BICD1: variants seen among roughly 807,000 people sequenced by gnomAD.
BICD1 encodes protein bicaudal D homolog 1.
A neutral mutation model predicts 92.5 loss-of-function variants in BICD1; 35 were observed. The ratio of observed to expected loss-of-function variants is 0.38; its 90% CI spans 0.29 to 0.50. BICD1 has a LOEUF of 0.50. BICD1 is among the 20% of genes least tolerant of loss of function. The probability of loss-of-function intolerance (pLI) is 0.93; values close to 1 mark genes in which losing one functional copy is unlikely to be tolerated. For synonymous variants in BICD1, 429 were observed against 465.1 expected, an observed-to-expected ratio of 0.92 and a Z score of 1.00; for missense variants, 950 against 1,189.8, an observed-to-expected ratio of 0.80 and a Z score of 2.97.
At chr12:32,297,357 C>T (rs2136200912) in intron 3 of BICD1, among the ~76,000 whole-genome samples, 1 of 152,192 alleles carries the variant, frequency 6.6e-6, no homozygotes, top group East Asian at 1.9e-4. Flanking sequence ...CCACCATGTC[C>T]AGCTAATTTT....
chr12:32,291,450 T>A (rs1947724449), intron 2 of BICD1, among the ~76,000 whole-genome samples: 1 of 151,892 alleles, frequency 6.6e-6, no homozygotes, highest in Non-Finnish European at 1.5e-5. Flanking sequence ...GGTGGGAGGA[T>A]CACTTAAGCC....
At chr12:32,184,752 GCTTTCTTGATCTT>G (rs1242321982) in intron 1 of BICD1, among the ~76,000 whole-genome samples, 2 of 152,164 alleles carry the variant, frequency 1.3e-5, no homozygotes, top group Non-Finnish European at 2.9e-5. Context: ...TTTTAGCTTT[GCTTTCTTGATCTT>G]CCTTCAAAGT....
chr12:32,369,195 TG>T (rs1939636260), intron 9 of BICD1, among the ~76,000 whole-genome samples: 1 of 152,254 alleles, frequency 6.6e-6, no homozygotes, highest in Non-Finnish European at 1.5e-5. Flanking sequence ...AGTCATGAAT[TG>T]CCCTCCATCC....
At chr12:32,315,969 C>T (rs1301831247) in intron 4 of BICD1, among the ~76,000 whole-genome samples, 1 of 151,868 alleles carries the variant, frequency 6.6e-6, no homozygotes, top group Non-Finnish European at 1.5e-5. Flanking sequence ...AACCCCGTCT[C>T]TACTAAAAAT....
At chr12:32,285,077 A>G (rs1947527505) in intron 2 of BICD1, among the ~76,000 whole-genome samples, 1 of 152,190 alleles carries the variant, frequency 6.6e-6, no homozygotes, top group Non-Finnish European at 1.5e-5. Flanking sequence ...CACAAATATA[A>G]GGCTACTTCT....
intron 8 of BICD1, among the ~76,000 whole-genome samples, chr12:32,345,389 A>T (rs1418177999): frequency 6.6e-6 from 1 of 152,174 alleles, no homozygotes; most frequent in Non-Finnish European, 1.5e-5. Flanking sequence ...TGGTTCAAAA[A>T]TTTTAAAGTA....
At chr12:32,281,738 T>A (rs1947415883) in intron 2 of BICD1, among the ~76,000 whole-genome samples, 1 of 152,066 alleles carries the variant, frequency 6.6e-6, no homozygotes, top group South Asian at 2.1e-4. Context: ...ATATGAAATA[T>A]GTCTGTACCC....
rs576262229 is a variant in BICD1, at chr12:32,234,797, G to T, written c.426+18338G>T. Reference sequence around the variant, plus strand: ...TGGAGGTTACTCAGGCAATCCTCCTGCCTCAGCTTCCTGAGTAGCTGGGAC... The same window carrying T: ...TGGAGGTTACTCAGGCAATCCTCCTTCCTCAGCTTCCTGAGTAGCTGGGAC... On this transcript the variant is annotated intron_variant, in intron 2 of 9. Transcript: ENST00000652176. 2.0e-5 allele frequency among the ~76,000 whole-genome samples: 3 copies of T among 149,912 alleles called. No homozygotes were observed. In the South Asian group the frequency reaches 6.3e-4, roughly 32 times the overall value.
intron 1 of BICD1, among the ~76,000 whole-genome samples, chr12:32,121,659 C>T (rs563022234): frequency 8.5e-4 from 129 of 151,814 alleles, no homozygotes; most frequent in African/African-American, 3.1e-3. Context: ...TGGCTTGAGC[C>T]CAGGAGGCAG....
intron 2 of BICD1, among the ~76,000 whole-genome samples, chr12:32,244,559 T>C (rs949707690): frequency 2.0e-5 from 3 of 152,122 alleles, no homozygotes; most frequent in Non-Finnish European, 4.4e-5. Context: ...ACAAGGGGCA[T>C]AGCCCAAATT....
intron 2 of BICD1, among the ~76,000 whole-genome samples, chr12:32,285,007 G>A (rs1947525484): frequency 6.6e-6 from 1 of 152,156 alleles, no homozygotes; most frequent in South Asian, 2.1e-4. Context: ...ACTGCTCCAG[G>A]CTTGCTGGGG....
intron 2 of BICD1, among the ~76,000 whole-genome samples, chr12:32,227,194 C>T (rs1202434957): frequency 6.6e-6 from 1 of 152,234 alleles, no homozygotes; most frequent in Non-Finnish European, 1.5e-5. Flanking sequence ...CACGGCTGAG[C>T]AGCGCCCTGG....
chr12:32,154,174 TA>T (rs1943371029), intron 1 of BICD1, among the ~76,000 whole-genome samples: 1 of 152,228 alleles, frequency 6.6e-6, no homozygotes, highest in Non-Finnish European at 1.5e-5. Flanking sequence ...TTCATTATGA[TA>T]AAGTTAATAT....
At chr12:32,218,901 T>C (rs1945434739) in intron 2 of BICD1, among the ~76,000 whole-genome samples, 1 of 152,198 alleles carries the variant, frequency 6.6e-6, no homozygotes, top group East Asian at 1.9e-4. Context: ...AGAATTATTA[T>C]TAACATTTAG....
intron 8 of BICD1, among the ~76,000 whole-genome samples, chr12:32,362,694 T>C (rs1174088871): frequency 6.6e-6 from 1 of 152,158 alleles, no homozygotes; most frequent in East Asian, 1.9e-4. Flanking sequence ...AAAGAGGCCT[T>C]AGCATTAAAA....
intron 2 of BICD1, among the ~76,000 whole-genome samples, chr12:32,236,988 C>T (rs989749922): frequency 7.3e-5 from 11 of 151,272 alleles, no homozygotes; most frequent in Admixed American, 6.6e-4. Flanking sequence ...CATTCTCCTG[C>T]CTCAGCCTCC....
At chr12:32,118,060 ATATTT>A (rs372623765) in intron 1 of BICD1, among the ~76,000 whole-genome samples, 3 of 135,142 alleles carry the variant, frequency 2.2e-5, no homozygotes, top group Non-Finnish European at 3.1e-5. Context: ...GCTTAGTCCA[ATATTT>A]TATTTTATTT....
intron 3 of BICD1, among the ~76,000 whole-genome samples, chr12:32,295,096 A>AAT (rs961204026): frequency 6.8e-6 from 1 of 147,206 alleles, no homozygotes; most frequent in African/African-American, 2.5e-5. Flanking sequence ...AAAAAAAAAA[A>AAT]AAAGAAAAAG....
In BICD1 at chr12:32,376,876, A is replaced by AG. The variant is rs36065954; in HGVS notation, c.2841-652dup. Among the ~76,000 whole-genome samples, 573 of 64,216 alleles carry AG rather than the reference A, an allele frequency of 8.9e-3. 12 individuals carry two copies. The East Asian group carries it at 0.098, about 11-fold the overall frequency. The allele number at this position is 64,216 out of a possible 152,430, so 42.1% of individuals were successfully genotyped here. A position where few individuals can be genotyped will look rare whatever the true frequency, so the allele number is the denominator to read the frequency against. ...CAACGAGACTCCATCTAAAAAAAAA[A>AG]GGGGGGGGGGGGTGAAATATAAAAC... is the stretch of plus-strand genomic sequence containing the variant. On this transcript the variant is annotated intron_variant, in intron 9 of 9. Coordinates refer to ENST00000652176, the MANE Select transcript of BICD1 (RefSeq NM_001714.4).
Sources: allele counts gnomAD v4.1 joint callset (sites outside exome capture counted in the v4.1 genomes callset), GRCh38; gene constraint gnomAD v4.1.1; transcripts MANE v1.5; gene names NCBI Gene and HGNC (gene_info 2026-07-23, HGNC 2026-07-21).